UTP18: variants seen among roughly 807,000 people sequenced by gnomAD.
UTP18 encodes the protein U3 small nucleolar RNA-associated protein 18 homolog.
In UTP18, 36 loss-of-function variants were observed where a neutral mutation model predicts 61.1. The observed-to-expected ratio is 0.59, with a 90% CI of 0.45 to 0.78. The LOEUF (loss-of-function observed/expected upper bound fraction) is 0.78. Ranked by LOEUF, UTP18 falls within the 30% of genes least tolerant of loss-of-function variation. The probability of loss-of-function intolerance (pLI) is 0.00; values close to 1 mark genes in which losing one functional copy is unlikely to be tolerated. For synonymous variants in UTP18, 282 were observed against 251.1 expected, an observed-to-expected ratio of 1.12 and a Z score of -1.16; for missense variants, 753 against 693.9, an observed-to-expected ratio of 1.09 and a Z score of -0.96.
At chr17:51,286,982 C>G (rs1199559308) in intron 10 of UTP18, among the ~76,000 whole-genome samples, 2 of 145,184 alleles carry the variant, frequency 1.4e-5, no homozygotes, top group Non-Finnish European at 3.0e-5. Flanking sequence ...CCCCCTTCCC[C>G]CCCCGACCCA....
chr17:51,291,495 G>A (rs1033925283), intron 11 of UTP18, among the ~76,000 whole-genome samples: 1 of 152,170 alleles, frequency 6.6e-6, no homozygotes, highest in African/African-American at 2.4e-5. Flanking sequence ...AGCACTTTGA[G>A]AGGTCAAGGT....
At chr17:51,286,624 C>T (rs1033465954) in intron 10 of UTP18, 8 of 454,742 alleles carry the variant, frequency 1.8e-5, no homozygotes, top group South Asian at 3.1e-5. Flanking sequence ...TAACAGATCC[C>T]TTGGAGGGAG....
At chr17:51,271,842 A>T (rs556918016) in intron 4 of UTP18, among the ~76,000 whole-genome samples, 69 of 151,602 alleles carry the variant, frequency 4.6e-4, no homozygotes, top group Non-Finnish European at 4.6e-4. Flanking sequence ...TAATTTTTGT[A>T]TTTTTAGTAG....
chr17:51,277,044 A>G lies in UTP18; in HGVS notation c.838-86A>G, dbSNP rs1904746632. 2.9e-6 allele frequency: 4 copies of G among 1,399,752 alleles called. No individual in the cohort carries two copies. In the South Asian group the frequency reaches 4.2e-5, roughly 15 times the overall value. 86.7% of individuals were successfully genotyped at this position (1,399,752 alleles called of 1,614,324 possible). A position where few individuals can be genotyped will look rare whatever the true frequency, so the allele number is the denominator to read the frequency against. ...CAGCCCCTTGGATATGTATTTTTAAATGAACACTTGTAGTGAAAAGTATAT... is the reference window on the plus strand; with the variant it reads ...CAGCCCCTTGGATATGTATTTTTAAGTGAACACTTGTAGTGAAAAGTATAT... On this transcript the variant is annotated intron_variant, in intron 6 of 13. Coordinates refer to ENST00000225298, the MANE Select transcript of UTP18 (RefSeq NM_016001.3).
intron 5 of UTP18, 31 bp downstream of exon 5, chr17:51,273,481 C>CT (rs779245180): frequency 3.3e-5 from 51 of 1,535,450 alleles, no homozygotes; most frequent in South Asian, 2.3e-5. Context: ...GGGATCCTAT[C>CT]TAACTACTTA....
intron 11 of UTP18, among the ~76,000 whole-genome samples, chr17:51,289,578 A>G (rs1567706847): frequency 6.6e-6 from 1 of 152,228 alleles, no homozygotes. Flanking sequence ...GCTCACTTTC[A>G]GTGTCACCCC....
At chr17:51,282,994 G>C (rs1904994588) in intron 9 of UTP18, among the ~76,000 whole-genome samples, 1 of 150,706 alleles carries the variant, frequency 6.6e-6, no homozygotes, top group Non-Finnish European at 1.5e-5. Flanking sequence ...TCAGCCTCCT[G>C]AGTAGCTGGA....
intron 12 of UTP18, among the ~76,000 whole-genome samples, chr17:51,294,447 G>A (rs902043642): frequency 6.6e-6 from 1 of 150,388 alleles, no homozygotes; most frequent in African/African-American, 2.4e-5. Context: ...AGAACATGCG[G>A]TGTTTGGTTT....
chr17:51,277,589 A>C lies in UTP18; in HGVS notation c.1012+285A>C, dbSNP rs545367018. Among the ~76,000 whole-genome samples the C allele has an allele frequency of 1.4e-4, 21 of 152,340 alleles. No homozygotes were observed. In the East Asian group the frequency reaches 3.7e-3, roughly 27 times the overall value. On this transcript the variant is annotated intron_variant, in intron 7 of 13. Coordinates refer to ENST00000225298, the MANE Select transcript of UTP18 (RefSeq NM_016001.3). ...TGGCTGTAAAGTTAGCAGTTGATGCAGCAGAAAAAGCATGAGCCATGGAGC... is the reference window on the plus strand; with the variant it reads ...TGGCTGTAAAGTTAGCAGTTGATGCCGCAGAAAAAGCATGAGCCATGGAGC...
Position 51,263,393 on chromosome 17 carries a change from T to C in UTP18, c.455+7T>C. 6.2e-7 allele frequency: 1 copy of C among 1,607,806 alleles called. No individual in the cohort carries two copies. Among genetic ancestry groups the C allele is most frequent in the South Asian group, 1.1e-5 (1 of 90,850 alleles). ...AAGATGAAGATGAGGAAATGTAAGT[T>C]GCCTAACTTTTCTTCTGAATCCCTC... On this transcript the variant is annotated splice_region_variant and intron_variant, in intron 2 of 13. Coordinates refer to ENST00000225298, the MANE Select transcript of UTP18 (RefSeq NM_016001.3).
In UTP18 at chr17:51,273,403, G is replaced by A; in HGVS notation, c.664G>A (p.Gly222Arg). The change falls in exon 5 of 14, where the codon GGG (glycine) becomes AGG (arginine). Residue 222 changes from glycine to arginine, a missense_variant. Coordinates refer to ENST00000225298, the MANE Select transcript of UTP18 (RefSeq NM_016001.3). Reference protein sequence around the residue: ...EDEDDLLQRTGNFISTSTSLP... With the variant: ...EDEDDLLQRTRNFISTSTSLP... ...TGAAGATGATTTGTTGCAAAGGACTGGGAATTTCATATCCACATCAACTTC... is the reference window on the plus strand; with the variant it reads ...TGAAGATGATTTGTTGCAAAGGACTAGGAATTTCATATCCACATCAACTTC... 1.2e-6 allele frequency: 2 copies of A among 1,611,204 alleles called. No individual in the cohort carries two copies. Among genetic ancestry groups the A allele is most frequent in the African/African-American group, 1.3e-5 (1 of 74,904 alleles).
At chr17:51,284,132 A>T (rs1409450158) in intron 9 of UTP18, among the ~76,000 whole-genome samples, 1 of 152,204 alleles carries the variant, frequency 6.6e-6, no homozygotes, top group Non-Finnish European at 1.5e-5. Context: ...GTGTTTTACT[A>T]CTGCTTAACC....
chr17:51,285,869 A>T (rs1905094313), intron 10 of UTP18, among the ~76,000 whole-genome samples: 1 of 152,190 alleles, frequency 6.6e-6, no homozygotes, highest in Non-Finnish European at 1.5e-5. Context: ...ATAAGAAGGG[A>T]TTACTATAAT....
Position 51,280,017 on chromosome 17 carries a change from A to G in UTP18, c.1025A>G (p.Lys342Arg). The change falls in exon 8 of 14, where the codon AAG becomes AGG. Residue 342 changes from lysine (K) to arginine (R), a missense_variant. Coordinates refer to ENST00000225298, the MANE Select transcript of UTP18 (RefSeq NM_016001.3). ...PVHQVRGLKE[K>R]IVRSFEVSPD... ...TTTCCTATTTTAGGTTTGAAAGAGA[A>G]GATAGTGAGGAGCTTTGAAGTCTCC... is the stretch of plus-strand genomic sequence containing the variant. The G allele has an allele frequency of 6.2e-7, 1 of 1,612,884 alleles. No homozygotes were observed. Among genetic ancestry groups the G allele is most frequent in the South Asian group, 1.1e-5 (1 of 90,858 alleles).
chr17:51,286,333 A>C (rs538876214), intron 10 of UTP18: 1 of 371,494 alleles, frequency 2.7e-6, no homozygotes, highest in Non-Finnish European at 5.3e-6. Flanking sequence ...CTGTAACTTC[A>C]AGAAGTAGGT....
At chr17:51,277,090 G>T (rs368488479) in intron 6 of UTP18, 40 bp from the exon 7 acceptor site, 1 of 1,593,750 alleles carries the variant, frequency 6.3e-7, no homozygotes, top group African/African-American at 1.3e-5. Flanking sequence ...TACAGGGTCT[G>T]TGGAAATAAT....
intron 9 of UTP18, among the ~76,000 whole-genome samples, chr17:51,284,176 G>A (rs1905036688): frequency 6.6e-6 from 1 of 152,172 alleles, no homozygotes; most frequent in South Asian, 2.1e-4. Context: ...CATTTTATTT[G>A]TTAGGGAGTT....
At chr17:51,269,553 C>T (rs2144401943) in intron 4 of UTP18, among the ~76,000 whole-genome samples, 2 of 152,174 alleles carry the variant, frequency 1.3e-5, no homozygotes, top group Admixed American at 1.3e-4. Context: ...CCTTAGCATC[C>T]TTCATGTCCG....
intron 13 of UTP18, among the ~76,000 whole-genome samples, chr17:51,297,387 T>G (rs1259618130): frequency 6.6e-6 from 1 of 152,216 alleles, no homozygotes; most frequent in African/African-American, 2.4e-5. Flanking sequence ...CTTGAGAGAT[T>G]AGCAGCTTGC....
Sources: gnomAD v4.1 joint callset for allele counts (sites outside exome capture counted in the v4.1 genomes callset) on GRCh38, gnomAD v4.1.1 for gene constraint, MANE v1.5 for transcripts, NCBI Gene and HGNC (gene_info 2026-07-23, HGNC 2026-07-21) for gene names.